Variants in WDPCP observed in about 807,000 individuals in gnomAD.
The protein encoded by WDPCP is WD repeat containing planar cell polarity effector.
WDPCP carries 71 observed loss-of-function variants against 93.1 expected under a neutral mutation model. The ratio of observed to expected loss-of-function variants is 0.76; its 90% CI spans 0.63 to 0.93. The LOEUF (loss-of-function observed/expected upper bound fraction) is 0.93, where lower values mean the gene tolerates loss of function less well. Ranked by LOEUF, WDPCP falls within the 40% of genes least tolerant of loss-of-function variation. The pLI is 0.00. For missense variants in WDPCP, 844 were observed against 887.4 expected, an observed-to-expected ratio of 0.95 and a Z score of 0.62; for synonymous variants, 315 against 315.0, an observed-to-expected ratio of 1.00 and a Z score of 0.00.
chr2:63,794,197 T>G (rs996562590), intron 2 of WDPCP, among the ~76,000 whole-genome samples: 1 of 152,186 alleles, frequency 6.6e-6, no homozygotes, highest in African/African-American at 2.4e-5. Context: ...TAAGGTTGGC[T>G]TCTACTTGTG....
chr2:63,436,852 A>G (rs1401459703), intron 8 of WDPCP, among the ~76,000 whole-genome samples: 1 of 152,138 alleles, frequency 6.6e-6, no homozygotes, highest in Non-Finnish European at 1.5e-5. Context: ...ATAGATGTAA[A>G]GCTCCTGATA....
chr2:63,447,982 A>C (rs919023108), intron 6 of WDPCP, among the ~76,000 whole-genome samples: 5 of 152,168 alleles, frequency 3.3e-5, no homozygotes, highest in Non-Finnish European at 5.9e-5. Flanking sequence ...TTTTATGATT[A>C]CCAGAAATCA....
intron 8 of WDPCP, among the ~76,000 whole-genome samples, chr2:63,437,134 A>T (rs377158099): frequency 3.2e-4 from 48 of 152,158 alleles, no homozygotes; most frequent in African/African-American, 1.0e-3. Flanking sequence ...ACTGGCACGA[A>T]AACCATTTTC....
At position 63,681,274 on chromosome 2, in the gene WDPCP, G is replaced by T. The variant is rs575444423; in HGVS notation, n.309-30436C>A. ...AGTTCCAGGACTTGTCTCTTGGATG[G>T]CATTTCTGGATCTGCTGTGGAGCAG... On this transcript the variant is annotated intron_variant and non_coding_transcript_variant, in intron 2 of 4. Transcript: ENST00000467687. Among the ~76,000 whole-genome samples, 13 of 152,296 alleles carry T rather than the reference G, an allele frequency of 8.5e-5. No homozygotes were observed. In the South Asian group the frequency reaches 2.7e-3, roughly 32 times the overall value.
chr2:63,142,461 A>C (rs1398671882), intron 17 of WDPCP, among the ~76,000 whole-genome samples: 2 of 152,006 alleles, frequency 1.3e-5, no homozygotes, highest in Non-Finnish European at 2.9e-5. Flanking sequence ...TTCCTTTTGG[A>C]GTTGATTTCC....
At chr2:63,795,499 CAAAA>C (rs201653047) in intron 2 of WDPCP, among the ~76,000 whole-genome samples, 3 of 82,472 alleles carry the variant, frequency 3.6e-5, no homozygotes, top group Non-Finnish European at 7.2e-5. Context: ...GACCCTGTCT[CAAAA>C]AAAAAAAGAA....
At chr2:63,288,066 C>G (rs1269066615) in intron 13 of WDPCP, among the ~76,000 whole-genome samples, 1 of 152,148 alleles carries the variant, frequency 6.6e-6, no homozygotes, top group Admixed American at 6.5e-5. Context: ...AAAATCATGC[C>G]AATGAAAGAC....
At chr2:63,808,470 T>G (rs1575778757) in intron 2 of WDPCP, among the ~76,000 whole-genome samples, 1 of 152,170 alleles carries the variant, frequency 6.6e-6, no homozygotes, top group African/African-American at 2.4e-5. Context: ...GCCTGCCGAA[T>G]GCCTGCGATT....
chr2:63,490,126 G>T (rs1700791690), intron 2 of WDPCP, among the ~76,000 whole-genome samples: 1 of 147,790 alleles, frequency 6.8e-6, no homozygotes, highest in African/African-American at 2.5e-5. Flanking sequence ...AAAAGGCGGA[G>T]GATGAAGAAT....
intron 9 of WDPCP, among the ~76,000 whole-genome samples, chr2:63,420,672 T>A (rs1695792966): frequency 6.6e-6 from 1 of 152,224 alleles, no homozygotes; most frequent in South Asian, 2.1e-4. Context: ...TACTTCATCA[T>A]CAATCAAGAA....
At chr2:63,535,888 T>G (rs1197523113) in intron 1 of WDPCP, among the ~76,000 whole-genome samples, 1 of 152,190 alleles carries the variant, frequency 6.6e-6, no homozygotes, top group Non-Finnish European at 1.5e-5. Context: ...AAAGAGCTTC[T>G]GCACAGCAAA....
chr2:63,214,680 G>T (rs1233851973), intron 14 of WDPCP, among the ~76,000 whole-genome samples: 1 of 152,066 alleles, frequency 6.6e-6, no homozygotes, highest in South Asian at 2.1e-4. Flanking sequence ...AGGAAGTCAA[G>T]TTGTCCCTGT....
At chr2:63,287,609 T>C (rs1181193792) in intron 13 of WDPCP, among the ~76,000 whole-genome samples, 2 of 152,232 alleles carry the variant, frequency 1.3e-5, no homozygotes, top group Non-Finnish European at 2.9e-5. Flanking sequence ...CAGTTTTCAA[T>C]AGATTCCTCA....
intron 13 of WDPCP, among the ~76,000 whole-genome samples, chr2:63,302,479 C>T (rs971862572): frequency 6.6e-6 from 1 of 152,098 alleles, no homozygotes; most frequent in Non-Finnish European, 1.5e-5. Context: ...TTATAATGTT[C>T]TTCCAACTTT....
chr2:63,133,566 C>T (rs889622171), intron 17 of WDPCP, among the ~76,000 whole-genome samples: 75 of 152,254 alleles, frequency 4.9e-4, no homozygotes, highest in African/African-American at 1.7e-3. Context: ...CCATGCCGTT[C>T]TTATGATAGT....
At chr2:63,195,750 C>T (rs1473385892) in intron 14 of WDPCP, among the ~76,000 whole-genome samples, 1 of 151,682 alleles carries the variant, frequency 6.6e-6, no homozygotes, top group Non-Finnish European at 1.5e-5. Flanking sequence ...TTCATGAATT[C>T]AAAAAAACAT....
intron 2 of WDPCP, among the ~76,000 whole-genome samples, chr2:63,701,282 AATGCAAATCAAAATCAC>A (rs1276641686): frequency 1.3e-5 from 2 of 152,220 alleles, no homozygotes; most frequent in African/African-American, 2.4e-5. Context: ...TCATCAGAGA[AATGCAAATCAAAATCAC>A]AAAGAGATCT....
intron 12 of WDPCP, among the ~76,000 whole-genome samples, chr2:63,356,070 G>A (rs998942355): frequency 3.9e-5 from 6 of 152,112 alleles, no homozygotes; most frequent in East Asian, 1.9e-4. Context: ...TCAAAATAAA[G>A]GGATAGAGGA....
At chr2:63,628,883 G>A (rs900682644) in intron 3 of WDPCP, among the ~76,000 whole-genome samples, 1 of 152,168 alleles carries the variant, frequency 6.6e-6, no homozygotes, top group African/African-American at 2.4e-5. Flanking sequence ...ACTTGGAGCT[G>A]GAATGGGCTT....
Sources: gnomAD v4.1 joint callset for allele counts (sites outside exome capture counted in the v4.1 genomes callset) on GRCh38, gnomAD v4.1.1 for gene constraint, MANE v1.5 for transcripts, NCBI Gene and HGNC (gene_info 2026-07-23, HGNC 2026-07-21) for gene names.